The following CLMP variants were observed in gnomAD, a reference collection of about 807,000 sequenced individuals.
CLMP encodes the protein CXADR like cell adhesion molecule, also known as CXADR-like membrane protein.
CLMP carries 27 observed loss-of-function variants against 45.2 expected under a neutral mutation model. The ratio of observed to expected loss-of-function variants is 0.60; its 90% CI spans 0.44 to 0.82. CLMP has a LOEUF of 0.82. Among genes scored for constraint, CLMP ranks in the 40% least tolerant of loss-of-function variants. CLMP has a pLI of 0.00. For missense variants in CLMP, 403 were observed against 448.4 expected (o/e 0.90, Z 0.91); for synonymous variants, 167 against 171.4 (o/e 0.97, Z 0.20).
intron 2 of CLMP, 83 bp downstream of exon 2, chr11:123,097,712 C>T: frequency 9.0e-7 from 1 of 1,117,002 alleles, no homozygotes; most frequent in Non-Finnish European, 1.3e-6. Flanking sequence ...CTTTCAGAGC[C>T]AGAAAGAAAG....
chr11:123,177,784 T>C (rs1192956374), intron 1 of CLMP, among the ~76,000 whole-genome samples: 1 of 152,232 alleles, frequency 6.6e-6, no homozygotes, highest in Non-Finnish European at 1.5e-5. Flanking sequence ...ACCAATTATA[T>C]AGTTTAAATA....
intron 1 of CLMP, among the ~76,000 whole-genome samples, chr11:123,102,804 G>A (rs28526591): frequency 0.011 from 1,521 of 135,544 alleles, 61 homozygotes; most frequent in East Asian, 0.085. Flanking sequence ...TGATCCACCC[G>A]CCTCAGCCTC....
At chr11:123,139,927 C>G (rs1179304748) in intron 1 of CLMP, among the ~76,000 whole-genome samples, 2 of 152,040 alleles carry the variant, frequency 1.3e-5, no homozygotes, top group African/African-American at 4.8e-5. Context: ...TGTCCGATGG[C>G]GATAAAAGGG....
intron 1 of CLMP, among the ~76,000 whole-genome samples, chr11:123,119,007 C>T (rs1393131495): frequency 6.4e-4 from 20 of 31,160 alleles, no homozygotes; most frequent in Admixed American, 1.1e-3. Context: ...CTTTCTCTCT[C>T]TCTCTCTCTC....
At chr11:123,106,143 C>CTT (rs113019577) in intron 1 of CLMP, among the ~76,000 whole-genome samples, 14,407 of 151,272 alleles carry the variant, frequency 0.095, 755 homozygotes, top group East Asian at 0.16. Context: ...TGATTTTATT[C>CTT]TATTTTTTTT....
intron 1 of CLMP, among the ~76,000 whole-genome samples, chr11:123,136,820 C>T (rs1418411670): frequency 2.0e-5 from 3 of 151,926 alleles, no homozygotes; most frequent in Non-Finnish European, 4.4e-5. Context: ...CCACCTGCCT[C>T]GGCCTCCCAA....
chr11:123,133,884 T>G (rs1861027996), intron 1 of CLMP, among the ~76,000 whole-genome samples: 1 of 152,178 alleles, frequency 6.6e-6, no homozygotes, highest in South Asian at 2.1e-4. Context: ...TTTTTTACTC[T>G]TCATCAAACC....
At chr11:123,108,765 T>G (rs1406185578) in intron 1 of CLMP, among the ~76,000 whole-genome samples, 1 of 152,042 alleles carries the variant, frequency 6.6e-6, no homozygotes, top group African/African-American at 2.4e-5. Flanking sequence ...TTAAAAATGA[T>G]CAACTTGGCT....
intron 1 of CLMP, among the ~76,000 whole-genome samples, chr11:123,126,982 A>C (rs1860905450): frequency 6.6e-6 from 1 of 152,112 alleles, no homozygotes; most frequent in Non-Finnish European, 1.5e-5. Context: ...TAATGAGAGA[A>C]ATAATTATAA....
At chr11:123,118,942 TTTCTTTCTTTCTTTCTTTCTTTCTTTC>T (rs1860757012) in intron 1 of CLMP, among the ~76,000 whole-genome samples, 4 of 16,190 alleles carry the variant, frequency 2.5e-4, no homozygotes, top group South Asian at 3.3e-3. Flanking sequence ...TCTTTCTTTC[TTTCTTTCTTTCTTTCTTTCTTTCTTTC>T]TTTCTTTCTT....
chr11:123,175,776 TGA>T (rs1861690517), intron 1 of CLMP, among the ~76,000 whole-genome samples: 1 of 152,226 alleles, frequency 6.6e-6, no homozygotes, highest in Non-Finnish European at 1.5e-5. Context: ...TGAAGAAACT[TGA>T]GAGGAAGATG....
intron 1 of CLMP, among the ~76,000 whole-genome samples, chr11:123,167,574 C>G (rs1861575940): frequency 6.6e-6 from 1 of 152,070 alleles, no homozygotes. Context: ...CATGAGCCAC[C>G]ACGCCCCGCC....
chr11:123,150,492 G>GAAGAAAGAAAGAAAGAAAGAAAGAAAGA (rs1565397502), intron 1 of CLMP, among the ~76,000 whole-genome samples: 1 of 66,722 alleles, frequency 1.5e-5, no homozygotes, highest in Admixed American at 1.6e-4. Flanking sequence ...AGGAAGGAAG[G>GAAGAAAGAAAGAAAGAAAGAAAGAAAGA]AAGGAAGGAA....
intron 2 of CLMP, 93 bp downstream of exon 2, chr11:123,097,702 C>A: frequency 9.7e-7 from 1 of 1,027,888 alleles, no homozygotes; most frequent in South Asian, 1.8e-5. Context: ...AACTCCAGCT[C>A]TTTCAGAGCC....
intron 1 of CLMP, among the ~76,000 whole-genome samples, chr11:123,183,309 C>T (rs1252826031): frequency 6.6e-6 from 1 of 152,130 alleles, no homozygotes; most frequent in Non-Finnish European, 1.5e-5. Context: ...CGGCTCACTG[C>T]AACCTCCATC....
At chr11:123,129,040 G>A (rs1860942282) in intron 1 of CLMP, among the ~76,000 whole-genome samples, 1 of 152,108 alleles carries the variant, frequency 6.6e-6, no homozygotes. Context: ...ATGTTGTTCA[G>A]GGCCAGGAGC....
At chr11:123,164,293 T>C (rs185510118) in intron 1 of CLMP, among the ~76,000 whole-genome samples, 1 of 151,634 alleles carries the variant, frequency 6.6e-6, no homozygotes, top group Non-Finnish European at 1.5e-5. Context: ...GATTTAGTTA[T>C]TGTTATTTTT....
chr11:123,085,125 C>T (rs1016733770), intron 2 of CLMP, among the ~76,000 whole-genome samples: 8 of 150,504 alleles, frequency 5.3e-5, no homozygotes, highest in Non-Finnish European at 1.2e-4. Flanking sequence ...CGGGACCCCT[C>T]GGGAAGCCAA....
In CLMP at chr11:123,073,346, G is replaced by T; in HGVS notation, c.*128C>A. ...GAAAATGCTCATCTGAATCTGTTCC[G>T]TGCAATGCTCACTGCTACTTAGATG... is the stretch of plus-strand genomic sequence containing the variant. On this transcript the variant is annotated 3_prime_UTR_variant, in exon 7 of 7. Transcript: ENST00000448775. 1 of 1,018,270 alleles carries T rather than the reference G, an allele frequency of 9.8e-7. No individual in the cohort carries two copies. The highest frequency in any genetic ancestry group is 1.6e-5 in the South Asian group (1 of 63,236). 63.1% of individuals were successfully genotyped at this position (1,018,270 alleles called of 1,614,324 possible). A position where few individuals can be genotyped will look rare whatever the true frequency, so the allele number is the denominator to read the frequency against.
Sources: allele counts gnomAD v4.1 joint callset (sites outside exome capture counted in the v4.1 genomes callset), GRCh38; gene constraint gnomAD v4.1.1; transcripts MANE v1.5; gene names NCBI Gene and HGNC (gene_info 2026-07-23, HGNC 2026-07-21).